The following LRRC4C variants were observed in gnomAD, a reference collection of about 807,000 sequenced individuals.
LRRC4C encodes the protein leucine-rich repeat-containing protein 4C.
A neutral mutation model predicts 33.6 loss-of-function variants in LRRC4C; 5 were observed. The ratio of observed to expected loss-of-function variants is 0.15; its 90% confidence interval spans 0.08 to 0.31. The LOEUF (loss-of-function observed/expected upper bound fraction) is 0.31. Among genes scored for constraint, LRRC4C ranks in the 10% least tolerant of loss-of-function variants. LRRC4C has a pLI of 1.00. For missense variants in LRRC4C, 560 were observed against 796.7 expected (o/e 0.70, Z 3.58); for synonymous variants, 329 against 302.0 (o/e 1.09, Z -0.93).
Position 41,098,486 on chromosome 11 carries a change from T to C in LRRC4C, c.-495-164763A>G, listed in dbSNP as rs548260164. Among the ~76,000 whole-genome samples, 16 of 152,196 alleles carry C rather than the reference T, an allele frequency of 1.1e-4. No homozygotes were observed. The South Asian group carries it at 2.9e-3, about 28-fold the overall frequency. On this transcript the variant is annotated intron_variant, in intron 1 of 6. Coordinates refer to ENST00000528697, the MANE Select transcript of LRRC4C (RefSeq NM_001258419.2). Reference sequence around the variant, plus strand: ...CAAAATCAGATTGCTTCCTAGAAAATTGTTAACTTATATCAAGATACTGAA... The same window carrying C: ...CAAAATCAGATTGCTTCCTAGAAAACTGTTAACTTATATCAAGATACTGAA...
chr11:40,421,084 T>C (rs1252495685), intron 3 of LRRC4C, among the ~76,000 whole-genome samples: 1 of 152,224 alleles, frequency 6.6e-6, no homozygotes, highest in Non-Finnish European at 1.5e-5. Flanking sequence ...CAGCATTTTT[T>C]TTCACTTCAT....
chr11:41,228,774 C>T (rs1055943534), intron 1 of LRRC4C, among the ~76,000 whole-genome samples: 1 of 152,110 alleles, frequency 6.6e-6, no homozygotes, highest in Non-Finnish European at 1.5e-5. Flanking sequence ...AGTAAAGCTG[C>T]ATGTCTGGTT....
At chr11:41,310,792 G>A (rs1254851655) in intron 1 of LRRC4C, among the ~76,000 whole-genome samples, 1 of 151,954 alleles carries the variant, frequency 6.6e-6, no homozygotes, top group Admixed American at 6.6e-5. Context: ...GTATTTACAT[G>A]GACCTGTAAT....
At chr11:40,820,272 G>A (rs900810700) in intron 2 of LRRC4C, among the ~76,000 whole-genome samples, 7 of 151,982 alleles carry the variant, frequency 4.6e-5, no homozygotes, top group Non-Finnish European at 8.8e-5. Context: ...TTTACATGAT[G>A]TAAAGGAAGC....
chr11:40,198,275 T>C (rs4073087), intron 5 of LRRC4C, among the ~76,000 whole-genome samples: 65,258 of 152,022 alleles, frequency 0.43, 14,338 homozygotes, highest in East Asian at 0.55. Flanking sequence ...TACCCACTTA[T>C]GTACCGTAAA....
intron 5 of LRRC4C, among the ~76,000 whole-genome samples, chr11:40,167,636 G>A (rs1859706086): frequency 6.6e-6 from 1 of 152,132 alleles, no homozygotes; most frequent in African/African-American, 2.4e-5. Flanking sequence ...GAGTGGTATA[G>A]AATAAATACA....
chr11:40,444,486 T>C (rs1448831535), intron 3 of LRRC4C, among the ~76,000 whole-genome samples: 2 of 151,822 alleles, frequency 1.3e-5, no homozygotes, highest in Non-Finnish European at 2.9e-5. Context: ...TATTGATTAA[T>C]GTGTGCTGAG....
At chr11:41,196,348 T>C (rs1235403699) in intron 1 of LRRC4C, among the ~76,000 whole-genome samples, 1 of 152,046 alleles carries the variant, frequency 6.6e-6, no homozygotes, top group Admixed American at 6.6e-5. Context: ...ATTTTCTAGA[T>C]GAGGAACAGG....
chr11:40,698,682 C>T (rs1220288700), intron 2 of LRRC4C, among the ~76,000 whole-genome samples: 1 of 151,870 alleles, frequency 6.6e-6, no homozygotes, highest in Admixed American at 6.6e-5. Context: ...AAAGACATAC[C>T]CAAGACTGGG....
At chr11:40,952,896 A>ACACACACTCT (rs1156767689) in intron 1 of LRRC4C, among the ~76,000 whole-genome samples, 7 of 70,236 alleles carry the variant, frequency 1.0e-4, no homozygotes, top group African/African-American at 3.4e-4. Context: ...ACACACACAC[A>ACACACACTCT]CTCTCTCTCT....
intron 2 of LRRC4C, among the ~76,000 whole-genome samples, chr11:40,709,904 T>C (rs1946374237): frequency 6.6e-6 from 1 of 152,184 alleles, no homozygotes; most frequent in South Asian, 2.1e-4. Context: ...CTCTTTTTTC[T>C]CTAAACTTCT....
At chr11:41,019,677 C>A (rs1855824643) in intron 1 of LRRC4C, among the ~76,000 whole-genome samples, 2 of 152,148 alleles carry the variant, frequency 1.3e-5, no homozygotes, top group African/African-American at 4.8e-5. Flanking sequence ...GCCTCACCAG[C>A]ATCTACTGTT....
chr11:40,688,776 C>G (rs115420562), intron 2 of LRRC4C, among the ~76,000 whole-genome samples: 1,545 of 152,186 alleles, frequency 0.01, 25 homozygotes, highest in African/African-American at 0.035. Context: ...TGGCGGGAGA[C>G]CAATTTACAC....
At chr11:41,296,432 A>G (rs996554509) in intron 1 of LRRC4C, among the ~76,000 whole-genome samples, 3 of 151,744 alleles carry the variant, frequency 2.0e-5, no homozygotes, top group Non-Finnish European at 2.9e-5. Context: ...CTCCTGCCTC[A>G]GCCTCCTGAG....
At chr11:40,491,607 A>T (rs542103457) in intron 3 of LRRC4C, among the ~76,000 whole-genome samples, 7 of 152,220 alleles carry the variant, frequency 4.6e-5, no homozygotes, top group South Asian at 2.1e-4. Context: ...ACAGCTCTCT[A>T]CACAACATGG....
intron 1 of LRRC4C, among the ~76,000 whole-genome samples, chr11:41,451,423 A>G (rs1465944585): frequency 1.3e-5 from 2 of 152,062 alleles, no homozygotes; most frequent in East Asian, 1.9e-4. Context: ...TGCTGGACAA[A>G]TTAGTCTTGG....
chr11:40,790,272 GA>G (rs1950572757), intron 2 of LRRC4C, among the ~76,000 whole-genome samples: 1 of 152,022 alleles, frequency 6.6e-6, no homozygotes, highest in African/African-American at 2.4e-5. Flanking sequence ...TGATGCAAAA[GA>G]TGATTTTATT....
intron 2 of LRRC4C, among the ~76,000 whole-genome samples, chr11:40,801,517 C>T (rs1951040842): frequency 6.6e-6 from 1 of 152,124 alleles, no homozygotes. Context: ...GCATGGACTG[C>T]ACCTATTTTG....
intron 1 of LRRC4C, among the ~76,000 whole-genome samples, chr11:41,446,826 T>C (rs1955841935): frequency 6.6e-6 from 1 of 152,154 alleles, no homozygotes; most frequent in South Asian, 2.1e-4. Context: ...ATGTGGCCCC[T>C]TTCCTTACCA....
Sources: gnomAD v4.1 joint callset for allele counts (sites outside exome capture counted in the v4.1 genomes callset) on GRCh38, gnomAD v4.1.1 for gene constraint, MANE v1.5 for transcripts, NCBI Gene and HGNC (gene_info 2026-07-23, HGNC 2026-07-21) for gene names.